The following KCNH1 variants were observed in gnomAD, a reference collection of about 807,000 sequenced individuals.
The protein encoded by KCNH1 is potassium voltage-gated channel subfamily H member 1, also known as voltage-gated delayed rectifier potassium channel KCNH1.
In KCNH1, 27 loss-of-function variants were observed where a neutral mutation model predicts 69.2. That is an observed-to-expected ratio of 0.39 (90% CI 0.29 to 0.54). KCNH1 has a LOEUF of 0.54. Ranked by LOEUF, KCNH1 falls within the 20% of genes least tolerant of loss-of-function variation. KCNH1 has a pLI of 0.68. For missense variants in KCNH1, 798 were observed against 1,261.6 expected, an observed-to-expected ratio of 0.63 and a Z score of 5.57; for synonymous variants, 456 against 487.7, an observed-to-expected ratio of 0.93 and a Z score of 0.86.
intron 7 of KCNH1, among the ~76,000 whole-genome samples, chr1:210,821,391 T>C (rs1684924953): frequency 6.6e-6 from 1 of 152,210 alleles, no homozygotes. Context: ...ATGTAGACCA[T>C]TCCCACCCCA....
At chr1:210,931,902 C>A (rs1193475729) in intron 6 of KCNH1, among the ~76,000 whole-genome samples, 1 of 149,740 alleles carries the variant, frequency 6.7e-6, no homozygotes, top group Non-Finnish European at 1.5e-5. Flanking sequence ...GAAACAATTT[C>A]TGAACTTGAG....
At chr1:210,796,434 G>T (rs773912416) in intron 9 of KCNH1, among the ~76,000 whole-genome samples, 2 of 152,096 alleles carry the variant, frequency 1.3e-5, no homozygotes, top group South Asian at 4.1e-4. Context: ...TTATTATGAC[G>T]ATGGCTTGCC....
intron 7 of KCNH1, among the ~76,000 whole-genome samples, chr1:210,896,131 G>A (rs1686861801): frequency 6.6e-6 from 1 of 152,070 alleles, no homozygotes. Context: ...GATGTTAGCT[G>A]GTATAGGACC....
chr1:210,766,889 C>T (rs1440248154), intron 10 of KCNH1, among the ~76,000 whole-genome samples: 2 of 152,164 alleles, frequency 1.3e-5, no homozygotes, highest in African/African-American at 4.8e-5. Context: ...TAGGGGAGAA[C>T]TAACATTTCT....
chr1:210,786,214 G>T (rs1040132967), intron 9 of KCNH1, among the ~76,000 whole-genome samples: 1 of 152,152 alleles, frequency 6.6e-6, no homozygotes, highest in Non-Finnish European at 1.5e-5. Context: ...AGGACACTTT[G>T]TAGTTCTCAA....
chr1:210,835,967 T>G (rs1444323096), intron 7 of KCNH1, among the ~76,000 whole-genome samples: 4 of 151,784 alleles, frequency 2.6e-5, no homozygotes, highest in African/African-American at 4.8e-5. Context: ...CCATCTCTAC[T>G]AAAAATACAA....
In KCNH1 at chr1:210,902,095, AT is replaced by A. The variant is rs545652318; in HGVS notation, c.1462+17544del. Among the ~76,000 whole-genome samples the A allele has an allele frequency of 1.8e-3, 276 of 152,284 alleles. 3 individuals are homozygous for A. The highest frequency in any genetic ancestry group is 6.2e-3 in the African/African-American group (259 of 41,562). ...CAGGATGAACAGACTCCAAGGAAACATCAAATGCCAGTAAGTCAACCAATGA... is the reference window on the plus strand; with the variant it reads ...CAGGATGAACAGACTCCAAGGAAACACAAATGCCAGTAAGTCAACCAATGA... On this transcript the variant is annotated intron_variant, in intron 7 of 10. Coordinates refer to ENST00000271751, the MANE Select transcript of KCNH1 (RefSeq NM_172362.3).
At chr1:210,691,215 T>G (rs1681520837) in intron 10 of KCNH1, among the ~76,000 whole-genome samples, 1 of 152,162 alleles carries the variant, frequency 6.6e-6, no homozygotes, top group African/African-American at 2.4e-5. Flanking sequence ...GGTGAAGGAT[T>G]TGGGCGAGGG....
intron 7 of KCNH1, among the ~76,000 whole-genome samples, chr1:210,826,395 G>A (rs1412999022): frequency 2.6e-5 from 4 of 152,062 alleles, no homozygotes; most frequent in Non-Finnish European, 5.9e-5. Flanking sequence ...ATTCCCTATG[G>A]AATTAGTAAT....
intron 7 of KCNH1, among the ~76,000 whole-genome samples, chr1:210,857,916 T>C (rs1685891337): frequency 6.6e-6 from 1 of 152,160 alleles, no homozygotes; most frequent in Non-Finnish European, 1.5e-5. Flanking sequence ...GCCTTTAGCC[T>C]ATCTAGTTAA....
At chr1:210,934,736 C>G (rs1276578828) in intron 6 of KCNH1, among the ~76,000 whole-genome samples, 1 of 151,824 alleles carries the variant, frequency 6.6e-6, no homozygotes. Context: ...CAATGACATA[C>G]CATCTCGTTG....
At chr1:211,062,535 G>A (rs943336294) in intron 5 of KCNH1, among the ~76,000 whole-genome samples, 1 of 152,042 alleles carries the variant, frequency 6.6e-6, no homozygotes, top group East Asian at 1.9e-4. Context: ...CTACAGAATA[G>A]GAGAAAATAT....
At chr1:210,869,160 T>C (rs1037994359) in intron 7 of KCNH1, among the ~76,000 whole-genome samples, 4 of 152,244 alleles carry the variant, frequency 2.6e-5, no homozygotes, top group South Asian at 4.1e-4. Flanking sequence ...TTCCTCTGTA[T>C]GTAATTTTTT....
intron 7 of KCNH1, among the ~76,000 whole-genome samples, chr1:210,896,445 C>T (rs1299603318): frequency 6.6e-6 from 1 of 152,110 alleles, no homozygotes; most frequent in African/African-American, 2.4e-5. Context: ...TCAAAGAATG[C>T]CTTTAAAAAG....
intron 10 of KCNH1, among the ~76,000 whole-genome samples, chr1:210,772,648 C>T: frequency 6.6e-6 from 1 of 152,088 alleles, no homozygotes; most frequent in Non-Finnish European, 1.5e-5. Flanking sequence ...TTTGACTCTC[C>T]AACAGTCGCC....
At chr1:210,747,024 A>G (rs1232608023) in intron 10 of KCNH1, among the ~76,000 whole-genome samples, 2 of 152,172 alleles carry the variant, frequency 1.3e-5, no homozygotes, top group Non-Finnish European at 2.9e-5. Flanking sequence ...ACCATTCATT[A>G]GGGAAACTCC....
chr1:211,053,323 C>T (rs545175174), intron 5 of KCNH1, among the ~76,000 whole-genome samples: 164 of 152,256 alleles, frequency 1.1e-3, no homozygotes, highest in African/African-American at 3.8e-3. Context: ...TTCTACCAAA[C>T]ACATTGAAAC....
chr1:210,722,760 G>A (rs1221441039), intron 10 of KCNH1, among the ~76,000 whole-genome samples: 1 of 152,186 alleles, frequency 6.6e-6, no homozygotes, highest in African/African-American at 2.4e-5. Context: ...ATGAGTTTCT[G>A]AAATATCTTG....
At chr1:210,864,630 C>T (rs1686065026) in intron 7 of KCNH1, among the ~76,000 whole-genome samples, 1 of 152,178 alleles carries the variant, frequency 6.6e-6, no homozygotes, top group Non-Finnish European at 1.5e-5. Flanking sequence ...TGGACAACAA[C>T]AATCAAGGCA....
Sources: allele counts gnomAD v4.1 joint callset (sites outside exome capture counted in the v4.1 genomes callset), GRCh38; gene constraint gnomAD v4.1.1; transcripts MANE v1.5; gene names NCBI Gene and HGNC (gene_info 2026-07-23, HGNC 2026-07-21).